CACNG5: variants seen among roughly 807,000 people sequenced by gnomAD.
The protein encoded by CACNG5 is voltage-dependent calcium channel gamma-5 subunit.
A neutral mutation model predicts 24.8 loss-of-function variants in CACNG5; 18 were observed. The observed-to-expected ratio is 0.73, with a 90% CI of 0.50 to 1.08. The LOEUF is 1.08. Among genes scored for constraint, CACNG5 ranks in the 50% least tolerant of loss-of-function variants. The probability of loss-of-function intolerance (pLI) is 0.00; values close to 1 mark genes in which losing one functional copy is unlikely to be tolerated. For missense variants in CACNG5, 349 were observed against 367.9 expected, an observed-to-expected ratio of 0.95 and a Z score of 0.42; for synonymous variants, 157 against 149.1, an observed-to-expected ratio of 1.05 and a Z score of -0.39.
chr17:66,838,101 C>T (rs1844589876), intron 1 of CACNG5, among the ~76,000 whole-genome samples: 1 of 151,698 alleles, frequency 6.6e-6, no homozygotes, highest in African/African-American at 2.4e-5. Flanking sequence ...GGGTGGTGCC[C>T]TCTGCATTAG....
intron 4 of CACNG5, among the ~76,000 whole-genome samples, chr17:66,882,096 T>A (rs1159501919): frequency 6.6e-6 from 1 of 152,120 alleles, no homozygotes; most frequent in Non-Finnish European, 1.5e-5. Context: ...CAAGAGGCTA[T>A]TCCAGTAGTA....
Position 66,893,590 on chromosome 17 carries a change from G to C in CACNG5, c.*8350G>C, listed in dbSNP as rs1020552550. Among the ~76,000 whole-genome samples, 3 of 152,242 alleles carry C rather than the reference G, an allele frequency of 2.0e-5. No homozygotes were observed. The highest frequency in any genetic ancestry group is 2.0e-4 in the Admixed American group (3 of 15,286). ...TCCTACCAACGTGACCCCAAGGAAA[G>C]TGCTGGAGGAATTGGGCTCAGATCC... On this transcript the variant is annotated 3_prime_UTR_variant, in exon 6 of 6. Transcript: ENST00000533854.
At chr17:66,878,915 A>G (rs1977120618) in intron 2 of CACNG5, 57 bp from the exon 3 acceptor site, 9 of 1,387,630 alleles carry the variant, frequency 6.5e-6, no homozygotes, top group Non-Finnish European at 9.2e-6. Context: ...ATTTGTATGG[A>G]CCAACTTCAA....
At chr17:66,859,713 T>A (rs983726194) in intron 1 of CACNG5, among the ~76,000 whole-genome samples, 3 of 151,710 alleles carry the variant, frequency 2.0e-5, no homozygotes, top group African/African-American at 7.3e-5. Context: ...AGCAGAAAAA[T>A]ACATTTTCTC....
Position 66,886,302 on chromosome 17 carries a change from C to T in CACNG5, c.*1062C>T, listed in dbSNP as rs1029994882. Among the ~76,000 whole-genome samples the T allele has an allele frequency of 2.6e-5, 4 of 152,168 alleles. No homozygotes were observed. Among genetic ancestry groups the T allele is most frequent in the African/African-American group, 9.7e-5 (4 of 41,442 alleles). ...AGACTTGGAATAATCCAGCTGCTCTCCGAAGGCTGCCTGTGAACATTGGGG... is the reference window on the plus strand; with the variant it reads ...AGACTTGGAATAATCCAGCTGCTCTTCGAAGGCTGCCTGTGAACATTGGGG... On this transcript the variant is annotated 3_prime_UTR_variant, in exon 6 of 6. Coordinates refer to ENST00000533854, the MANE Select transcript of CACNG5 (RefSeq NM_145811.3).
At chr17:66,877,960 G>A (rs1384318246) in intron 2 of CACNG5, among the ~76,000 whole-genome samples, 1 of 152,214 alleles carries the variant, frequency 6.6e-6, no homozygotes, top group Non-Finnish European at 1.5e-5. Flanking sequence ...AAGAGGTTAA[G>A]TCTCCTTAAC....
At chr17:66,875,237 C>T (rs1250799581) in intron 1 of CACNG5, among the ~76,000 whole-genome samples, 1 of 152,208 alleles carries the variant, frequency 6.6e-6, no homozygotes, top group Non-Finnish European at 1.5e-5. Context: ...TAGATACAAA[C>T]TGTCCTGCTC....
At chr17:66,882,513 A>G (rs1246402668) in intron 4 of CACNG5, among the ~76,000 whole-genome samples, 1 of 152,154 alleles carries the variant, frequency 6.6e-6, no homozygotes, top group Non-Finnish European at 1.5e-5. Flanking sequence ...TGGTGTGTAG[A>G]GTGAGAAGGG....
chr17:66,882,445 G>A (rs916342284), intron 4 of CACNG5, among the ~76,000 whole-genome samples: 4 of 152,148 alleles, frequency 2.6e-5, no homozygotes, highest in African/African-American at 7.2e-5. Flanking sequence ...AGATTGGAGA[G>A]CTATCAGCCT....
chr17:66,885,720 T>A lies in CACNG5; in HGVS notation c.*480T>A, dbSNP rs1977249885. Reference sequence around the variant, plus strand: ...CCATCTGGCCGAAAGGTGACTCTGATATAGAGGTCTGGCTGACTTAGACAT... The same window carrying A: ...CCATCTGGCCGAAAGGTGACTCTGAAATAGAGGTCTGGCTGACTTAGACAT... On this transcript the variant is annotated 3_prime_UTR_variant, in exon 6 of 6. Transcript: ENST00000533854. Among the ~76,000 whole-genome samples, 1 of 152,232 alleles carries A rather than the reference T, an allele frequency of 6.6e-6. No homozygotes were observed. Among genetic ancestry groups the A allele is most frequent in the Non-Finnish European group, 1.5e-5 (1 of 68,040 alleles).
chr17:66,861,615 C>T (rs1251086397), intron 1 of CACNG5, among the ~76,000 whole-genome samples: 1 of 152,184 alleles, frequency 6.6e-6, no homozygotes, highest in East Asian at 1.9e-4. Flanking sequence ...CTTCTGAAGC[C>T]TGGGTCTGAT....
chr17:66,852,639 T>C (rs1373392634), intron 1 of CACNG5, among the ~76,000 whole-genome samples: 1 of 152,218 alleles, frequency 6.6e-6, no homozygotes, highest in African/African-American at 2.4e-5. Context: ...TTGATAAATG[T>C]GTAATCATGA....
At chr17:66,839,945 G>A (rs781568264) in intron 1 of CACNG5, among the ~76,000 whole-genome samples, 10 of 152,234 alleles carry the variant, frequency 6.6e-5, no homozygotes, top group Non-Finnish European at 1.2e-4. Flanking sequence ...GTTGGGGCAT[G>A]AGTATGGGCA....
At position 66,890,957 on chromosome 17, in the gene CACNG5, C is replaced by A. The variant is rs1309507972; in HGVS notation, c.*5717C>A. Among the ~76,000 whole-genome samples, 1 of 152,172 alleles carries A rather than the reference C, an allele frequency of 6.6e-6. No homozygotes were observed. Among genetic ancestry groups the A allele is most frequent in the African/African-American group, 2.4e-5 (1 of 41,438 alleles). ...AAGAGATCAGATACTTGCAGCACCC[C>A]AAGGAAGAATAAGATTTATGCATAA... On this transcript the variant is annotated 3_prime_UTR_variant, in exon 6 of 6. Transcript: ENST00000533854.
chr17:66,850,764 G>A (rs886972445), intron 1 of CACNG5, among the ~76,000 whole-genome samples: 1 of 152,182 alleles, frequency 6.6e-6, no homozygotes, highest in Non-Finnish European at 1.5e-5. Context: ...CCCTAGGAAA[G>A]GGAGGGGGAT....
In CACNG5 at chr17:66,885,284, C is replaced by G. The variant is rs200625924; in HGVS notation, c.*44C>G. The G allele has an allele frequency of 1.2e-5, 19 of 1,528,208 alleles. No individual in the cohort carries two copies. Among genetic ancestry groups the G allele is most frequent in the Non-Finnish European group, 1.7e-5 (19 of 1,145,078 alleles). 94.7% of individuals were successfully genotyped at this position (1,528,208 alleles called of 1,614,324 possible). On this transcript the variant is annotated 3_prime_UTR_variant, in exon 6 of 6. Transcript: ENST00000533854. ...CCTGGACTGTGGGTGGCCAGACAACCCTTCCTGTTCTCTCCAGGTGACCCC... is the reference window on the plus strand; with the variant it reads ...CCTGGACTGTGGGTGGCCAGACAACGCTTCCTGTTCTCTCCAGGTGACCCC...
intron 1 of CACNG5, among the ~76,000 whole-genome samples, chr17:66,858,854 T>C (rs1455067012): frequency 6.6e-6 from 1 of 152,192 alleles, no homozygotes; most frequent in Non-Finnish European, 1.5e-5. Context: ...ATACTCACAA[T>C]GTTCTTTAAA....
chr17:66,891,066 C>A lies in CACNG5; in HGVS notation c.*5826C>A, dbSNP rs963824782. Among the ~76,000 whole-genome samples the A allele has an allele frequency of 3.3e-5, 5 of 152,150 alleles. No individual in the cohort carries two copies. The highest frequency in any genetic ancestry group is 6.5e-5 in the Admixed American group (1 of 15,276). ...GCTGCCTTTATCCACGAGTGGGTAG[C>A]AAGATGGCAACAGTGATTCCAAACA... On this transcript the variant is annotated 3_prime_UTR_variant, in exon 6 of 6. Transcript: ENST00000533854.
Position 66,884,582 on chromosome 17 carries a change from C to G in CACNG5, c.491C>G (p.Thr164Ser). 6.2e-7 allele frequency: 1 copy of G among 1,614,116 alleles called. No individual in the cohort carries two copies. Among genetic ancestry groups the G allele is most frequent in the Non-Finnish European group, 8.5e-7 (1 of 1,180,018 alleles). The change falls in exon 5 of 6, where the codon ACC becomes AGC. Residue 164 changes from threonine to serine, a missense_variant. Physicochemically the swap from Thr to Ser is moderately conservative, Grantham distance 58. Coordinates refer to ENST00000533854, the MANE Select transcript of CACNG5 (RefSeq NM_145811.3). ...ATCAACGATGAGATGCTCAACAGGACCAAGGATGCAGAGACCTACTTCAAC... is the reference window on the plus strand; with the variant it reads ...ATCAACGATGAGATGCTCAACAGGAGCAAGGATGCAGAGACCTACTTCAAC... ...SSINDEMLNRTKDAETYFNYK... is the reference protein window; with the variant it reads ...SSINDEMLNRSKDAETYFNYK...
Sources: gnomAD v4.1 joint callset for allele counts (sites outside exome capture counted in the v4.1 genomes callset) on GRCh38, gnomAD v4.1.1 for gene constraint, MANE v1.5 for transcripts, NCBI Gene and HGNC (gene_info 2026-07-23, HGNC 2026-07-21) for gene names.